Variants in RASGEF1C observed in about 807,000 individuals in gnomAD.
RASGEF1C encodes ras-GEF domain-containing family member 1C.
RASGEF1C carries 27 observed loss-of-function variants against 58.1 expected under a neutral mutation model. The observed-to-expected ratio is 0.46, with a 90% confidence interval of 0.34 to 0.64. The LOEUF (loss-of-function observed/expected upper bound fraction) is 0.64. RASGEF1C is among the 30% of genes least tolerant of loss of function. The probability of loss-of-function intolerance (pLI) is 0.01; values close to 1 mark genes in which losing one functional copy is unlikely to be tolerated. For missense variants in RASGEF1C, 502 were observed against 605.1 expected (o/e 0.83, Z 1.79); for synonymous variants, 243 against 246.3 (o/e 0.99, Z 0.13).
chr5:180,172,864 T>TCTGC (rs1393454696), intron 1 of RASGEF1C, among the ~76,000 whole-genome samples: 1 of 152,116 alleles, frequency 6.6e-6, no homozygotes, highest in Non-Finnish European at 1.5e-5. Context: ...TCCCTGTGCC[T>TCTGC]CTCCCTGTGC....
chr5:180,157,459 T>TA (rs55833450), intron 1 of RASGEF1C, among the ~76,000 whole-genome samples: 38,151 of 148,116 alleles, frequency 0.26, 5,169 homozygotes, highest in East Asian at 0.49. Context: ...CTGTCTCTAC[T>TA]AAAAAAAAAA....
intron 13 of RASGEF1C, 123 bp downstream of exon 13, chr5:180,101,948 C>G (rs1305600739): frequency 7.0e-6 from 5 of 718,576 alleles, no homozygotes; most frequent in Non-Finnish European, 1.2e-5. Context: ...CCGGGTATCT[C>G]TGAAGCCCCT....
chr5:180,103,156 C>T (rs1222469016), intron 12 of RASGEF1C, among the ~76,000 whole-genome samples: 1 of 152,212 alleles, frequency 6.6e-6, no homozygotes, highest in African/African-American at 2.4e-5. Flanking sequence ...CGGCTCACTG[C>T]AAGCTCTGCC....
chr5:180,180,252 T>G (rs1001172147), intron 1 of RASGEF1C, among the ~76,000 whole-genome samples: 3 of 152,166 alleles, frequency 2.0e-5, no homozygotes, highest in Non-Finnish European at 4.4e-5. Flanking sequence ...AAAGAGCAGG[T>G]CTGATTGACT....
intron 1 of RASGEF1C, among the ~76,000 whole-genome samples, chr5:180,203,630 T>A (rs1756437539): frequency 1.3e-5 from 2 of 149,658 alleles, no homozygotes; most frequent in African/African-American, 4.9e-5. Flanking sequence ...TAATAAGCCA[T>A]GCGTTGCTTT....
At position 180,181,868 on chromosome 5, in the gene RASGEF1C, CCA is replaced by C. The variant is rs749814323; in HGVS notation, c.-7+27158_-7+27159del. Reference sequence around the variant, plus strand: ...TATATGCAGCAGCACACTATTGAGACCACAGTTTCTTCGGTTGGTTTGTGGTC... The same window carrying C: ...TATATGCAGCAGCACACTATTGAGACCAGTTTCTTCGGTTGGTTTGTGGTC... On this transcript the variant is annotated intron_variant, in intron 1 of 13. Coordinates refer to ENST00000361132, the MANE Select transcript of RASGEF1C (RefSeq NM_175062.4). Among the ~76,000 whole-genome samples the C allele has an allele frequency of 2.6e-5, 4 of 152,288 alleles. No individual in the cohort carries two copies. In the East Asian group the frequency reaches 7.7e-4, roughly 29 times the overall value.
At chr5:180,176,715 C>T (rs894728392) in intron 1 of RASGEF1C, among the ~76,000 whole-genome samples, 2 of 152,234 alleles carry the variant, frequency 1.3e-5, no homozygotes, top group East Asian at 1.9e-4. Context: ...TGCCACCATG[C>T]CCGGCTAATT....
rs746926298 is a variant in RASGEF1C at position 180,118,627 on chromosome 5, G to A, written c.1065C>T (p.Ala355=). ...GACCTACCTTCTCTCGGCTGCTGTG[G>A]GCCGTCAGGGAGCGGTGGGCCGCCC... is the stretch of plus-strand genomic sequence containing the variant. ...LRGAAHRSLT[A]HSSREKIVIP... is the part of the protein sequence containing the mutation. Residue 355 remains alanine, a synonymous_variant, in exon 10 of 14, where the codon GCC becomes GCT. Coordinates refer to ENST00000361132, the MANE Select transcript of RASGEF1C (RefSeq NM_175062.4). The A allele has an allele frequency of 1.3e-5, 21 of 1,612,576 alleles. No individual in the cohort carries two copies. The highest frequency in any genetic ancestry group is 1.8e-5 in the Non-Finnish European group (21 of 1,179,208).
intron 1 of RASGEF1C, among the ~76,000 whole-genome samples, chr5:180,194,478 G>A (rs541292461): frequency 1.0e-3 from 159 of 152,348 alleles, no homozygotes; most frequent in Non-Finnish European, 4.4e-5. Flanking sequence ...AACTGCAGAG[G>A]CCACGGGGTC....
rs372734323 is a variant in RASGEF1C at position 180,165,750 on chromosome 5, C to CTTTT, written c.-6-27696_-6-27693dup. On this transcript the variant is annotated intron_variant, in intron 1 of 13. Coordinates refer to ENST00000361132, the MANE Select transcript of RASGEF1C (RefSeq NM_175062.4). ...TTTTTAGTATTTCATTTAATTTTTC[C>CTTTT]TTTTTTTTTTTTTTTTTGAGATAGA... is the stretch of plus-strand genomic sequence containing the variant. Among the ~76,000 whole-genome samples the CTTTT allele has an allele frequency of 9.4e-3, 1,005 of 107,382 alleles. 57 individuals carry two copies. Among genetic ancestry groups the CTTTT allele is most frequent in the Non-Finnish European group, 0.013 (723 of 56,616 alleles). The allele number at this position is 107,382 out of a possible 152,430, so 70.4% of individuals were successfully genotyped here.
At chr5:180,207,328 G>C (rs1561761832) in intron 1 of RASGEF1C, among the ~76,000 whole-genome samples, 1 of 152,254 alleles carries the variant, frequency 6.6e-6, no homozygotes, top group Non-Finnish European at 1.5e-5. Flanking sequence ...TTAATTTTTA[G>C]TAAAAAAGGG....
intron 1 of RASGEF1C, among the ~76,000 whole-genome samples, chr5:180,207,829 C>T (rs1384514223): frequency 1.3e-5 from 2 of 152,158 alleles, no homozygotes; most frequent in African/African-American, 4.8e-5. Flanking sequence ...ACAGGCTGGG[C>T]TCCCCGCTCA....
rs112956801 is a variant in RASGEF1C, at chr5:180,128,272, G to T, written c.639+138C>A. The T allele has an allele frequency of 6.3e-5, 52 of 821,086 alleles. No individual in the cohort carries two copies. The African/African-American group carries it at 7.3e-4, about 12-fold the overall frequency. 50.9% of individuals were successfully genotyped at this position (821,086 alleles called of 1,614,324 possible). A position where few individuals can be genotyped will look rare whatever the true frequency, so the allele number is the denominator to read the frequency against. On this transcript the variant is annotated intron_variant, in intron 5 of 13. Coordinates refer to ENST00000361132, the MANE Select transcript of RASGEF1C (RefSeq NM_175062.4). ...CCCTTGGCCTCTGCATCCACAAGGG[G>T]CCCAGTGCATGCTCGAGGCTAGGCC... is the stretch of plus-strand genomic sequence containing the variant.
intron 4 of RASGEF1C, among the ~76,000 whole-genome samples, chr5:180,129,624 C>T (rs551786551): frequency 1.3e-5 from 2 of 152,294 alleles, no homozygotes; most frequent in African/African-American, 4.8e-5. Context: ...AGGAAAACTC[C>T]CTGCAATCTC....
Position 180,128,486 on chromosome 5 carries a change from G to A in RASGEF1C, c.563C>T (p.Ala188Val). 1 of 1,614,174 alleles carries A rather than the reference G, an allele frequency of 6.2e-7. No individual in the cohort carries two copies. Among genetic ancestry groups the A allele is most frequent in the Non-Finnish European group, 8.5e-7 (1 of 1,180,032 alleles). Residue 188 changes from alanine to valine, a missense_variant, in exon 5 of 14, where the codon GCC becomes GTC. Ala to Val is a moderately conservative substitution (Grantham distance 64). Transcript: ENST00000361132. The stretch of plus-strand genomic sequence containing the variant: ...ACCAAGGAGCTCCCTGTGGATGGAG[G>A]CTGGTGGCTTGGTCCTGTAGGAGAT... ...KPISYRTKPP[A>V]SIHRELLGVC...
intron 6 of RASGEF1C, 40 bp downstream of exon 6, chr5:180,127,569 G>C (rs369954196): frequency 1.3e-6 from 2 of 1,568,060 alleles, no homozygotes; most frequent in East Asian, 2.3e-5. Context: ...CAGTCACTGG[G>C]TGAGGCTCAC....
At chr5:180,173,826 T>C (rs920811759) in intron 1 of RASGEF1C, among the ~76,000 whole-genome samples, 11 of 151,162 alleles carry the variant, frequency 7.3e-5, no homozygotes, top group Non-Finnish European at 1.2e-4. Flanking sequence ...GGCAGGAGAA[T>C]CGCTTGAGCC....
rs1767050314 is a variant in RASGEF1C, at chr5:180,168,236, G to A, written c.-6-30178C>T. ...ACCTGAGGTCAGGAGTTCGAGACCA[G>A]CCTGATCAACATGGAGAAACCCCGT... On this transcript the variant is annotated intron_variant, in intron 1 of 13. Coordinates refer to ENST00000361132, the MANE Select transcript of RASGEF1C (RefSeq NM_175062.4). This position sits in a 1 kb window ranked among gnomAD's most constrained non-coding sequence, Gnocchi z 6.0. Among the ~76,000 whole-genome samples the A allele has an allele frequency of 6.6e-6, 1 of 152,128 alleles. No homozygotes were observed. Among genetic ancestry groups the A allele is most frequent in the Non-Finnish European group, 1.5e-5 (1 of 68,022 alleles).
chr5:180,128,720 C>G (rs1766308859), intron 4 of RASGEF1C, 110 bp from the exon 5 acceptor site: 2 of 1,132,420 alleles, frequency 1.8e-6, no homozygotes, highest in African/African-American at 1.5e-5. Context: ...TCCTCAGGGT[C>G]TCTGGAGAAA....
Sources: allele counts gnomAD v4.1 joint callset (sites outside exome capture counted in the v4.1 genomes callset), GRCh38; gene constraint gnomAD v4.1.1; non-coding constraint Gnocchi (gnomAD v3.1); transcripts MANE v1.5; gene names NCBI Gene and HGNC (gene_info 2026-07-23, HGNC 2026-07-21).